The following PRKCB variants were observed in gnomAD, a reference collection of about 807,000 sequenced individuals.
PRKCB encodes protein kinase C beta type.
In PRKCB, 13 loss-of-function variants were observed where a neutral mutation model predicts 81.5. The ratio of observed to expected loss-of-function variants is 0.16; its 90% CI spans 0.10 to 0.25. The LOEUF (loss-of-function observed/expected upper bound fraction) is 0.25. PRKCB is among the 10% of genes least tolerant of loss of function. The pLI is 1.00. For synonymous variants in PRKCB, 335 were observed against 321.4 expected (o/e 1.04, Z -0.45); for missense variants, 509 against 875.7 (o/e 0.58, Z 5.29).
chr16:23,840,696 G>A (rs1272315743), intron 2 of PRKCB, among the ~76,000 whole-genome samples: 1 of 152,190 alleles, frequency 6.6e-6, no homozygotes. Flanking sequence ...ACCATTGAGA[G>A]TAACCTTCAG....
chr16:23,959,776 T>C (rs1964399511), intron 2 of PRKCB, among the ~76,000 whole-genome samples: 2 of 152,178 alleles, frequency 1.3e-5, no homozygotes, highest in African/African-American at 2.4e-5. Flanking sequence ...TATTAGTGTG[T>C]GTTTATTGGC....
chr16:24,155,356 A>G (rs1401542387), intron 10 of PRKCB, among the ~76,000 whole-genome samples: 3 of 152,194 alleles, frequency 2.0e-5, no homozygotes, highest in Non-Finnish European at 4.4e-5. Flanking sequence ...GTTCAGAGCC[A>G]TGGCTGCCAA....
At chr16:23,875,370 A>ATG (rs1962977631) in intron 2 of PRKCB, among the ~76,000 whole-genome samples, 1 of 151,948 alleles carries the variant, frequency 6.6e-6, no homozygotes, top group Non-Finnish European at 1.5e-5. Context: ...AAAATACTGG[A>ATG]TGAGACAAGA....
At chr16:23,944,203 C>T (rs1964175362) in intron 2 of PRKCB, among the ~76,000 whole-genome samples, 2 of 152,160 alleles carry the variant, frequency 1.3e-5, no homozygotes, top group Admixed American at 6.5e-5. Context: ...GTGATACTAA[C>T]ATAGTATCTG....
intron 3 of PRKCB, among the ~76,000 whole-genome samples, chr16:24,030,081 A>G (rs566314479): frequency 6.6e-6 from 1 of 152,210 alleles, no homozygotes; most frequent in South Asian, 2.1e-4. Flanking sequence ...TTATTGTTGT[A>G]GACATGGGGT....
At chr16:23,908,817 C>G (rs1267033134) in intron 2 of PRKCB, among the ~76,000 whole-genome samples, 1 of 152,168 alleles carries the variant, frequency 6.6e-6, no homozygotes, top group Non-Finnish European at 1.5e-5. Context: ...CGCGCCCAGC[C>G]TGGGCTTTCC....
intron 8 of PRKCB, among the ~76,000 whole-genome samples, 190 bp downstream of exon 8, chr16:24,113,259 G>A (rs941161171): frequency 1.5e-5 from 2 of 130,838 alleles, no homozygotes; most frequent in African/African-American, 2.8e-5. Context: ...TTGCTTTCTC[G>A]CTTTCTTCCT....
At chr16:24,011,542 G>A (rs752007194) in intron 3 of PRKCB, among the ~76,000 whole-genome samples, 6 of 152,064 alleles carry the variant, frequency 3.9e-5, no homozygotes, top group Non-Finnish European at 5.9e-5. Context: ...TTTGAGACAG[G>A]ATCTCACTCT....
At chr16:23,929,200 G>A (rs1403100787) in intron 2 of PRKCB, among the ~76,000 whole-genome samples, 1 of 152,112 alleles carries the variant, frequency 6.6e-6, no homozygotes, top group African/African-American at 2.4e-5. Context: ...CTAGGCGGCC[G>A]AAGGACATTT....
intron 5 of PRKCB, among the ~76,000 whole-genome samples, chr16:24,073,944 C>T (rs867733104): frequency 1.3e-5 from 2 of 151,832 alleles, no homozygotes; most frequent in African/African-American, 4.8e-5. Flanking sequence ...AGATCGAGAC[C>T]ATCCTGGCTA....
chr16:24,056,556 T>C (rs1965904553), intron 5 of PRKCB, among the ~76,000 whole-genome samples: 2 of 152,196 alleles, frequency 1.3e-5, no homozygotes, highest in South Asian at 4.1e-4. Flanking sequence ...TGGGAGGTGC[T>C]TGGGCCATTT....
chr16:23,887,862 A>G (rs573328129), intron 2 of PRKCB, among the ~76,000 whole-genome samples: 1 of 152,306 alleles, frequency 6.6e-6, no homozygotes, highest in East Asian at 1.9e-4. Flanking sequence ...AAGGCACTGC[A>G]TAAGCTATCT....
intron 5 of PRKCB, among the ~76,000 whole-genome samples, chr16:24,072,419 C>G (rs1220975045): frequency 6.6e-6 from 1 of 151,978 alleles, no homozygotes; most frequent in Non-Finnish European, 1.5e-5. Context: ...AGGCATGCAC[C>G]ACCATGCTCA....
At chr16:24,042,168 C>T (rs770291518) in intron 5 of PRKCB, among the ~76,000 whole-genome samples, 10 of 152,090 alleles carry the variant, frequency 6.6e-5, no homozygotes, top group Non-Finnish European at 1.0e-4. Flanking sequence ...CCCAGCCATG[C>T]GTCAATTGCA....
At chr16:24,146,724 A>C (rs1036921118) in intron 9 of PRKCB, among the ~76,000 whole-genome samples, 7 of 152,052 alleles carry the variant, frequency 4.6e-5, no homozygotes, top group African/African-American at 1.7e-4. Context: ...GCTATTTATC[A>C]CATCTCTCCC....
intron 2 of PRKCB, among the ~76,000 whole-genome samples, chr16:23,871,995 G>A (rs1428913282): frequency 6.6e-6 from 1 of 151,896 alleles, no homozygotes; most frequent in Non-Finnish European, 1.5e-5. Flanking sequence ...TACTTCTCCA[G>A]CTCCCAGAAT....
At chr16:23,914,914 C>A (rs1963716319) in intron 2 of PRKCB, among the ~76,000 whole-genome samples, 1 of 152,204 alleles carries the variant, frequency 6.6e-6, no homozygotes, top group African/African-American at 2.4e-5. Context: ...TGGGGTCAAG[C>A]CAGTCCAAGC....
At chr16:23,877,215 G>A (rs1963030407) in intron 2 of PRKCB, among the ~76,000 whole-genome samples, 1 of 152,104 alleles carries the variant, frequency 6.6e-6, no homozygotes, top group African/African-American at 2.4e-5. Context: ...CACAGTGCCT[G>A]TAGTCCCAGC....
At chr16:23,905,323 T>C (rs116708399) in intron 2 of PRKCB, among the ~76,000 whole-genome samples, 1 of 152,318 alleles carries the variant, frequency 6.6e-6, no homozygotes, top group African/African-American at 2.4e-5. Flanking sequence ...CCGGTTATAA[T>C]GGCAAACAGT....
Sources: allele counts gnomAD v4.1 joint callset (sites outside exome capture counted in the v4.1 genomes callset), GRCh38; gene constraint gnomAD v4.1.1; transcripts MANE v1.5; gene names NCBI Gene and HGNC (gene_info 2026-07-23, HGNC 2026-07-21).